HHLA1: variants seen among roughly 807,000 people sequenced by gnomAD.
HHLA1 encodes the protein HHLA1 neighbor of OC90, also known as HERV-H LTR-associating protein 1.
Under a neutral mutation model 69.9 loss-of-function variants are expected in HHLA1, and 72 were observed. The observed-to-expected ratio is 1.03, with a 90% CI of 0.85 to 1.25. The LOEUF is 1.25. Among genes scored for constraint, HHLA1 ranks in the 50% most tolerant of loss-of-function variants. The probability of loss-of-function intolerance (pLI) is 0.00; values close to 1 mark genes in which losing one functional copy is unlikely to be tolerated. For synonymous variants in HHLA1, 252 were observed against 233.2 expected, an observed-to-expected ratio of 1.08 and a Z score of -0.73; for missense variants, 685 against 642.2, an observed-to-expected ratio of 1.07 and a Z score of -0.72.
chr8:132,098,920 G>A lies in HHLA1; in HGVS notation c.242C>T (p.Thr81Ile). The A allele has an allele frequency of 6.4e-7, 1 of 1,551,420 alleles. No individual in the cohort carries two copies. Among genetic ancestry groups the A allele is most frequent in the Non-Finnish European group, 8.7e-7 (1 of 1,146,710 alleles). Reference protein sequence around the residue: ...RSIDLSALNLTELVNGMLSRA... With the variant: ...RSIDLSALNLIELVNGMLSRA... ...ACTGAGCATCCCATTCACAAGCTCT[G>A]TCAGGTTAAGCGCGGACAGATCGAT... Residue 81 changes from threonine (T) to isoleucine (I), a missense_variant, in exon 5 of 17, where the codon ACA (threonine) becomes ATA (isoleucine). Transcript: ENST00000414222.
chr8:132,100,112 C>T lies in HHLA1; in HGVS notation c.162G>A (p.Glu54=), dbSNP rs1431043729. The T allele has an allele frequency of 6.4e-7, 1 of 1,551,230 alleles. No individual in the cohort carries two copies. The highest frequency in any genetic ancestry group is 1.4e-5 in the African/African-American group (1 of 73,034). ...PTTVSGLREE[E]RKEKGVAFLA... is the part of the protein sequence containing the mutation. The stretch of plus-strand genomic sequence containing the variant: ...GAAATGCCACCCCCTTCTCCTTCCT[C>T]TCTTCTTCTCTAAGGCCAGACACTG... Residue 54 remains glutamate (E), a synonymous_variant, in exon 4 of 17, where the codon GAG becomes GAA. Coordinates refer to ENST00000414222, the MANE Select transcript of HHLA1 (RefSeq NM_001145095.3).
At chr8:132,104,931 C>T (rs1463535597) in intron 2 of HHLA1, among the ~76,000 whole-genome samples, 1 of 152,128 alleles carries the variant, frequency 6.6e-6, no homozygotes, top group Non-Finnish European at 1.5e-5. Context: ...AAAGCTGTCT[C>T]ATGGTCTGGG....
chr8:132,077,613 T>C (rs1160049334), intron 12 of HHLA1, 113 bp downstream of exon 12: 9 of 1,053,966 alleles, frequency 8.5e-6, no homozygotes, highest in Middle Eastern at 2.2e-4. Flanking sequence ...TCATTATGTT[T>C]TCTTAGTTTT....
At chr8:132,077,092 G>T (rs1376612731) in intron 12 of HHLA1, among the ~76,000 whole-genome samples, 1 of 152,062 alleles carries the variant, frequency 6.6e-6, no homozygotes, top group African/African-American at 2.4e-5. Context: ...CAGTCTCCTT[G>T]TAGGAGACCA....
chr8:132,065,577 C>T (rs559082842), intron 16 of HHLA1, among the ~76,000 whole-genome samples: 3 of 152,356 alleles, frequency 2.0e-5, no homozygotes, highest in African/African-American at 4.8e-5. Context: ...CCACCGCGCC[C>T]AGCCTTTTAT....
intron 5 of HHLA1, 123 bp downstream of exon 5, chr8:132,098,759 C>A: frequency 1.6e-6 from 1 of 642,980 alleles, no homozygotes; most frequent in Non-Finnish European, 2.7e-6. Flanking sequence ...ATTCTCCACT[C>A]TGAACACCGA....
At chr8:132,080,228 C>A (rs1823725631) in intron 10 of HHLA1, 1 of 550,034 alleles carries the variant, frequency 1.8e-6, no homozygotes, top group African/African-American at 1.9e-5. Flanking sequence ...CTTATGGATA[C>A]AACTAAATTT....
chr8:132,109,162 A>G (rs889214283), intron 1 of HHLA1, among the ~76,000 whole-genome samples: 1 of 152,156 alleles, frequency 6.6e-6, no homozygotes, highest in East Asian at 1.9e-4. Flanking sequence ...GCCCACCACC[A>G]TGCCAGGCCA....
Position 132,071,426 on chromosome 8 carries a change from C to T in HHLA1, c.1383G>A (p.Arg461=). The T allele has an allele frequency of 1.3e-6, 2 of 1,551,644 alleles. No homozygotes were observed. Among genetic ancestry groups the T allele is most frequent in the Non-Finnish European group, 1.7e-6 (2 of 1,146,940 alleles). The part of the protein sequence containing the change: ...AAAPLTLAIQ[R]LNPCLMELCQ... ...ACAGCTCCATCAGGCATGGGTTGAG[C>T]CTCTGAATAGCCAGGGTGAGAGGAG... The change falls in exon 15 of 17, where the codon AGG becomes AGA. Residue 461 remains arginine (R), a synonymous_variant. Coordinates refer to ENST00000414222, the MANE Select transcript of HHLA1 (RefSeq NM_001145095.3).
At chr8:132,108,067 G>A (rs1301316932) in intron 1 of HHLA1, among the ~76,000 whole-genome samples, 1 of 152,142 alleles carries the variant, frequency 6.6e-6, no homozygotes, top group Non-Finnish European at 1.5e-5. Context: ...AGCATTTGTG[G>A]AGCTCATGGC....
intron 1 of HHLA1, among the ~76,000 whole-genome samples, chr8:132,108,466 A>C (rs1488714349): frequency 6.6e-6 from 1 of 152,212 alleles, no homozygotes; most frequent in African/African-American, 2.4e-5. Context: ...CCGTAAAATT[A>C]AGTTGTCATT....
At chr8:132,076,212 T>C in intron 13 of HHLA1, 83 bp from the exon 14 acceptor site, 1 of 983,864 alleles carries the variant, frequency 1.0e-6, no homozygotes, top group Non-Finnish European at 1.5e-6. Context: ...TATAACATCT[T>C]AAAGGTAAAT....
At chr8:132,092,196 C>T (rs192812755) in intron 7 of HHLA1, among the ~76,000 whole-genome samples, 1 of 152,278 alleles carries the variant, frequency 6.6e-6, no homozygotes, top group Admixed American at 6.5e-5. Context: ...GATTCTCCCA[C>T]CTTCCTTTAG....
At chr8:132,084,257 G>T (rs1458870427) in intron 10 of HHLA1, among the ~76,000 whole-genome samples, 2 of 152,082 alleles carry the variant, frequency 1.3e-5, no homozygotes, top group African/African-American at 4.8e-5. Flanking sequence ...CGGAGGCTGA[G>T]GGAGAATTGG....
In HHLA1 at chr8:132,063,868, T is replaced by C. The variant is rs886758003; in HGVS notation, c.*127A>G. 4 of 336,546 alleles carry C rather than the reference T, an allele frequency of 1.2e-5. No individual in the cohort carries two copies. The highest frequency in any genetic ancestry group is 4.1e-5 in the Admixed American group (1 of 24,338). The allele number at this position is 336,546 out of a possible 1,614,324, so 20.8% of individuals were successfully genotyped here. On this transcript the variant is annotated 3_prime_UTR_variant, in exon 17 of 17. Transcript: ENST00000414222. ...ATGCTACTTCCAAGAATAACCACTT[T>C]AAATTAACTGATGATCTAGCTGGAG...
At position 132,065,775 on chromosome 8, in the gene HHLA1, C is replaced by T. The variant is rs181130224; in HGVS notation, c.1552+111G>A. ...GCTCTTTGTCCCAAATTAATGAGGA[C>T]TAGATGAGCTACAGCATTCCAAAGA... On this transcript the variant is annotated intron_variant, in intron 16 of 16. Coordinates refer to ENST00000414222, the MANE Select transcript of HHLA1 (RefSeq NM_001145095.3). 21 of 453,744 alleles carry T rather than the reference C, an allele frequency of 4.6e-5. No homozygotes were observed. The East Asian group carries it at 1.3e-3, about 29-fold the overall frequency. 28.1% of individuals were successfully genotyped at this position (453,744 alleles called of 1,614,324 possible).
At chr8:132,087,529 T>C in intron 10 of HHLA1, 124 bp downstream of exon 10, 1 of 619,164 alleles carries the variant, frequency 1.6e-6, no homozygotes, top group South Asian at 2.3e-5. Context: ...AATGACGAAG[T>C]TCTCTGATTT....
Position 132,083,602 on chromosome 8 carries a change from C to T in HHLA1, c.677-3636G>A, listed in dbSNP as rs1313794843. On this transcript the variant is annotated intron_variant, in intron 10 of 16. Transcript: ENST00000414222. Reference sequence around the variant, plus strand: ...TGGCTGCCAGGTGAGTTGAACAGTCCGATTTTCAGTGGGGTCCCACACAGA... The same window carrying T: ...TGGCTGCCAGGTGAGTTGAACAGTCTGATTTTCAGTGGGGTCCCACACAGA... Among the ~76,000 whole-genome samples the T allele has an allele frequency of 7.9e-5, 12 of 152,262 alleles. No individual in the cohort carries two copies. The East Asian group carries it at 1.9e-3, about 25-fold the overall frequency.
rs973627935 is a variant in HHLA1 at position 132,090,791 on chromosome 8, C to T, written c.449-1192G>A. ...TTTTTTTTTTTGAGATGGAGTCTCG[C>T]TCTGTGGCCCAGGCTGGCGTGCAGT... On this transcript the variant is annotated intron_variant, in intron 7 of 16. Transcript: ENST00000414222. Among the ~76,000 whole-genome samples, 3 of 141,520 alleles carry T rather than the reference C, an allele frequency of 2.1e-5. No homozygotes were observed. In the East Asian group the frequency reaches 6.2e-4, roughly 29 times the overall value. The allele number at this position is 141,520 out of a possible 152,430, so 92.8% of individuals were successfully genotyped here. A position where few individuals can be genotyped will look rare whatever the true frequency, so the allele number is the denominator to read the frequency against.
Sources: gnomAD v4.1 joint callset for allele counts (sites outside exome capture counted in the v4.1 genomes callset) on GRCh38, gnomAD v4.1.1 for gene constraint, MANE v1.5 for transcripts, NCBI Gene and HGNC (gene_info 2026-07-23, HGNC 2026-07-21) for gene names.